The following EYA1 variants were observed in gnomAD, a reference collection of about 807,000 sequenced individuals.
EYA1 encodes EYA transcriptional coactivator and phosphatase 1.
Under a neutral mutation model 82.0 loss-of-function variants are expected in EYA1, and 16 were observed. The observed-to-expected ratio is 0.20, with a 90% CI of 0.13 to 0.30. The LOEUF is 0.30. EYA1 is among the 10% of genes least tolerant of loss of function. EYA1 has a pLI of 1.00. For missense variants in EYA1, 633 were observed against 730.7 expected (o/e 0.87, Z 1.54); for synonymous variants, 261 against 264.4 (o/e 0.99, Z 0.12).
In EYA1 at chr8:71,214,382, A is replaced by T. The variant is rs140559695; in HGVS notation, c.1597+1005T>A. Among the ~76,000 whole-genome samples the T allele has an allele frequency of 4.1e-3, 618 of 152,226 alleles. 8 individuals are homozygous for T. Among genetic ancestry groups the T allele is most frequent in the African/African-American group, 0.013 (550 of 41,540 alleles). ...TCTGTCCATTTGCATTGTTCTCACT[A>T]GCCCATCTACCTGTTGAACTCCTAC... is the stretch of plus-strand genomic sequence containing the variant. On this transcript the variant is annotated intron_variant, in intron 16 of 17. Coordinates refer to ENST00000340726, the MANE Select transcript of EYA1 (RefSeq NM_000503.6).
chr8:71,420,681 G>A (rs1831100539), intron 2 of EYA1, among the ~76,000 whole-genome samples: 1 of 152,122 alleles, frequency 6.6e-6, no homozygotes, highest in Non-Finnish European at 1.5e-5. Context: ...AGCTTTTTGA[G>A]TGAGCAGAGT....
At chr8:71,258,124 T>C (rs564051481) in intron 11 of EYA1, among the ~76,000 whole-genome samples, 6 of 152,354 alleles carry the variant, frequency 3.9e-5, no homozygotes, top group African/African-American at 7.2e-5. Context: ...CAGACTATTA[T>C]TGAAGATTCA....
intron 12 of EYA1, among the ~76,000 whole-genome samples, chr8:71,228,182 C>T (rs1303667252): frequency 1.3e-5 from 2 of 152,108 alleles, no homozygotes; most frequent in East Asian, 1.9e-4. Context: ...ACCCTGGCGG[C>T]GAGGAGAGGA....
rs538312104 is a variant in EYA1 at position 71,274,899 on chromosome 8, A to G, written c.827-3002T>C. 3.6e-3 allele frequency among the ~76,000 whole-genome samples: 554 copies of G among 152,270 alleles called. 3 individuals carry two copies. The highest frequency in any genetic ancestry group is 6.8e-3 in the Middle Eastern group (2 of 294). ...GAGAGAGTGAGCGAGCGAGAGAGAG[A>G]GAGTGAGCGAGCGAGAGAGAGAGAA... On this transcript the variant is annotated intron_variant, in intron 9 of 17. Transcript: ENST00000340726.
intron 3 of EYA1, chr8:71,334,394 TA>T (rs1824249488): frequency 3.3e-6 from 2 of 605,432 alleles, no homozygotes; most frequent in Non-Finnish European, 3.0e-6. Context: ...AGTTACCCTT[TA>T]AAAGCAGCAC....
intron 2 of EYA1, among the ~76,000 whole-genome samples, chr8:71,481,101 T>G (rs4517154): frequency 0.63 from 95,637 of 151,998 alleles, 31,917 homozygotes; most frequent in African/African-American, 0.84. Flanking sequence ...TATTTTAAGT[T>G]AACGAATATA....
chr8:71,418,402 T>C (rs1830968005), intron 2 of EYA1, among the ~76,000 whole-genome samples: 1 of 152,154 alleles, frequency 6.6e-6, no homozygotes, highest in African/African-American at 2.4e-5. Flanking sequence ...AGCTTTTCAG[T>C]CTGCCCCAGT....
At chr8:71,212,639 A>G (rs548496251) in intron 16 of EYA1, among the ~76,000 whole-genome samples, 3 of 152,364 alleles carry the variant, frequency 2.0e-5, no homozygotes, top group Admixed American at 2.0e-4. Context: ...AGAGGTTAAG[A>G]AAATGAAGCT....
Position 71,199,423 on chromosome 8 carries a change from G to A in EYA1, c.1699-3C>T, listed in dbSNP as rs117149407. ...ATCCTCCAGAAGGGCATCGCGTGCT[G>A]CAGCAGAGGCACACATACATGTGAG... On this transcript the variant is annotated splice_polypyrimidine_tract_variant and splice_region_variant and intron_variant, in intron 17 of 17. Transcript: ENST00000340726. 25,590 of 1,609,482 alleles carry A rather than the reference G, an allele frequency of 0.016. 269 individuals carry two copies. The highest frequency in any genetic ancestry group is 0.028 in the Admixed American group (1,662 of 59,944).
chr8:71,361,080 T>C (rs562631561), intron 1 of EYA1, among the ~76,000 whole-genome samples: 48 of 152,346 alleles, frequency 3.2e-4, no homozygotes, highest in African/African-American at 1.2e-3. Flanking sequence ...TATCACCTTC[T>C]GAAGATAAGT....
chr8:71,297,351 C>G (rs1418213798), intron 9 of EYA1, among the ~76,000 whole-genome samples: 2 of 152,118 alleles, frequency 1.3e-5, no homozygotes, highest in African/African-American at 2.4e-5. Flanking sequence ...ACACTTATAT[C>G]TGACCAAATG....
chr8:71,427,873 A>T (rs1586697740), intron 2 of EYA1, among the ~76,000 whole-genome samples: 1 of 151,802 alleles, frequency 6.6e-6, no homozygotes, highest in Admixed American at 6.6e-5. Context: ...ATAAAAAATT[A>T]GCCTGGTGTG....
intron 2 of EYA1, among the ~76,000 whole-genome samples, chr8:71,474,144 C>T (rs190950838): frequency 3.3e-5 from 5 of 149,628 alleles, no homozygotes; most frequent in African/African-American, 7.4e-5. Flanking sequence ...ACATGTATAC[C>T]TATGTAACAA....
intron 17 of EYA1, among the ~76,000 whole-genome samples, chr8:71,210,302 A>AAGAC (rs1288488722): frequency 6.6e-6 from 1 of 152,212 alleles, no homozygotes; most frequent in East Asian, 1.9e-4. Context: ...GCAAATGAAT[A>AAGAC]AGACAATGAC....
intron 9 of EYA1, among the ~76,000 whole-genome samples, chr8:71,280,190 C>G (rs1403264241): frequency 6.6e-6 from 1 of 152,188 alleles, no homozygotes; most frequent in Non-Finnish European, 1.5e-5. Flanking sequence ...GACACAAACT[C>G]AACTTACTTG....
chr8:71,216,012 C>A (rs1221980957), intron 14 of EYA1, among the ~76,000 whole-genome samples: 2 of 151,986 alleles, frequency 1.3e-5, no homozygotes, highest in Non-Finnish European at 2.9e-5. Context: ...ATTCACTTGG[C>A]CAGTGGAAGT....
chr8:71,418,320 G>T (rs924940289), intron 2 of EYA1, among the ~76,000 whole-genome samples: 1 of 152,154 alleles, frequency 6.6e-6, no homozygotes, highest in Admixed American at 6.5e-5. Flanking sequence ...CTTAAAAAAT[G>T]AGAAGATGTA....
intron 9 of EYA1, among the ~76,000 whole-genome samples, chr8:71,289,124 G>A (rs1024935708): frequency 2.0e-5 from 3 of 152,160 alleles, no homozygotes; most frequent in Non-Finnish European, 4.4e-5. Context: ...GATGCAAGGA[G>A]GTCCCTGGAA....
intron 2 of EYA1, among the ~76,000 whole-genome samples, chr8:71,421,273 T>A (rs1831133346): frequency 6.6e-6 from 1 of 152,178 alleles, no homozygotes; most frequent in African/African-American, 2.4e-5. Flanking sequence ...CTTAGATGAA[T>A]GTTTCTCTTG....
Sources: gnomAD v4.1 joint callset for allele counts (sites outside exome capture counted in the v4.1 genomes callset) on GRCh38, gnomAD v4.1.1 for gene constraint, MANE v1.5 for transcripts, NCBI Gene and HGNC (gene_info 2026-07-23, HGNC 2026-07-21) for gene names.